The following SGTA variants were observed in gnomAD, a reference collection of about 807,000 sequenced individuals.
SGTA encodes small glutamine-rich tetratricopeptide repeat-containing protein alpha.
SGTA carries 22 observed loss-of-function variants against 44.3 expected under a neutral mutation model. The ratio of observed to expected loss-of-function variants is 0.50; its 90% CI spans 0.36 to 0.71. SGTA has a LOEUF of 0.71. Among genes scored for constraint, SGTA ranks in the 30% least tolerant of loss-of-function variants. SGTA has a pLI of 0.00. For missense variants in SGTA, 341 were observed against 435.9 expected (o/e 0.78, Z 1.94); for synonymous variants, 174 against 177.6 (o/e 0.98, Z 0.16).
At chr19:2,760,823 G>A (rs1317992278) in intron 8 of SGTA, among the ~76,000 whole-genome samples, 1 of 152,212 alleles carries the variant, frequency 6.6e-6, no homozygotes, top group Non-Finnish European at 1.5e-5. Context: ...GAGACTGAGG[G>A]CTTTTCTCCC....
intron 8 of SGTA, 57 bp from the exon 9 acceptor site, chr19:2,759,351 T>C (rs1041559327): frequency 2.6e-5 from 40 of 1,519,148 alleles, no homozygotes; most frequent in Non-Finnish European, 3.7e-5. Flanking sequence ...TCATTCTCTT[T>C]CATCAGACAC....
intron 9 of SGTA, among the ~76,000 whole-genome samples, chr19:2,758,670 A>G (rs766219443): frequency 2.0e-5 from 3 of 152,262 alleles, no homozygotes; most frequent in Non-Finnish European, 4.4e-5. Context: ...GGATTCACAC[A>G]GACGATTGCA....
At chr19:2,774,061 G>A (rs1378361398) in intron 1 of SGTA, among the ~76,000 whole-genome samples, 2 of 152,166 alleles carry the variant, frequency 1.3e-5, no homozygotes, top group African/African-American at 4.8e-5. Flanking sequence ...AACGAGCCCC[G>A]ACAGAACCTT....
Position 2,760,932 on chromosome 19 carries a change from G to A in SGTA, c.699+528C>T, listed in dbSNP as rs1020055777. Among the ~76,000 whole-genome samples the A allele has an allele frequency of 2.0e-5, 3 of 152,314 alleles. No homozygotes were observed. The South Asian group carries it at 6.2e-4, about 32-fold the overall frequency. On this transcript the variant is annotated intron_variant, in intron 8 of 11. Coordinates refer to ENST00000221566, the MANE Select transcript of SGTA (RefSeq NM_003021.4). ...CCCAGGAAATGAACATGTGTGTGTGGGGGATGGCTCTCCGAGGATCCCAGT... is the reference window on the plus strand; with the variant it reads ...CCCAGGAAATGAACATGTGTGTGTGAGGGATGGCTCTCCGAGGATCCCAGT...
At chr19:2,757,916 A>G (rs1914875004) in intron 9 of SGTA, 134 bp from the exon 10 acceptor site, 3 of 576,306 alleles carry the variant, frequency 5.2e-6, no homozygotes, top group Non-Finnish European at 8.6e-6. Context: ...CTCTCTCACC[A>G]CCTGGTGGGC....
At chr19:2,760,332 C>T (rs188932032) in intron 8 of SGTA, among the ~76,000 whole-genome samples, 143 of 151,984 alleles carry the variant, frequency 9.4e-4, no homozygotes, top group Non-Finnish European at 1.8e-3. Context: ...GCCTGGCAAA[C>T]ATGGTGAAAC....
chr19:2,768,960 C>T lies in SGTA; in HGVS notation c.100+9G>A. 2 of 1,603,506 alleles carry T rather than the reference C, an allele frequency of 1.2e-6. No homozygotes were observed. The highest frequency in any genetic ancestry group is 2.2e-5 in the South Asian group (2 of 90,928). On this transcript the variant is annotated intron_variant, in intron 2 of 11. Transcript: ENST00000221566. ...CGGGGAGAGGGGGAAGTGGCAGGCA[C>T]CCACCTACCTTCCAAGCTCTCCTGA...
At chr19:2,757,554 A>G in intron 10 of SGTA, 97 bp from the exon 11 acceptor site, 1 of 1,519,764 alleles carries the variant, frequency 6.6e-7, no homozygotes, top group Non-Finnish European at 8.8e-7. Flanking sequence ...CACCCCAAAG[A>G]CAGGCCTGAC....
chr19:2,779,576 A>G (rs1055949103), intron 1 of SGTA, among the ~76,000 whole-genome samples: 1 of 152,220 alleles, frequency 6.6e-6, no homozygotes, highest in African/African-American at 2.4e-5. Context: ...GTCTCCCAAC[A>G]GCGAGGGCTT....
chr19:2,760,542 C>CA (rs1363728584), intron 8 of SGTA, among the ~76,000 whole-genome samples: 4 of 142,728 alleles, frequency 2.8e-5, no homozygotes, highest in Admixed American at 1.4e-4. Flanking sequence ...AAAAAAAAAC[C>CA]AAAAAAAACT....
Position 2,765,154 on chromosome 19 carries a change from G to A in SGTA, c.392+32C>T, listed in dbSNP as rs769286870. On this transcript the variant is annotated intron_variant, in intron 5 of 11. Coordinates refer to ENST00000221566, the MANE Select transcript of SGTA (RefSeq NM_003021.4). The surrounding 1 kb of genome is among the most constrained non-coding windows in gnomAD (Gnocchi z 5.5). The stretch of plus-strand genomic sequence containing the variant: ...CCGGAGGACGCCCCCGCACCCGGCC[G>A]CCCCTGCCCTGGGCAGGCCCTGAGC... 2.4e-5 allele frequency: 37 copies of A among 1,552,518 alleles called. No individual in the cohort carries two copies. The highest frequency in any genetic ancestry group is 1.7e-4 in the Middle Eastern group (1 of 5,968).
chr19:2,758,865 TGA>T (rs1487950716), intron 9 of SGTA, among the ~76,000 whole-genome samples: 4 of 152,184 alleles, frequency 2.6e-5, no homozygotes, highest in African/African-American at 9.7e-5. Flanking sequence ...TCACGCTCAG[TGA>T]GAGACGCCAG....
chr19:2,774,432 G>A (rs1341889465), intron 1 of SGTA, among the ~76,000 whole-genome samples: 4 of 152,182 alleles, frequency 2.6e-5, no homozygotes, highest in African/African-American at 9.6e-5. Context: ...AGCTGCCCGA[G>A]GGGCAGCTTC....
At chr19:2,769,951 T>A (rs180988573) in intron 1 of SGTA, among the ~76,000 whole-genome samples, 1,109 of 14,320 alleles carry the variant, frequency 0.077, 58 homozygotes, top group African/African-American at 0.23. Context: ...GGTTCCCCCC[T>A]CGGACACCCG....
chr19:2,772,787 AG>A (rs1915344566), intron 1 of SGTA, among the ~76,000 whole-genome samples: 1 of 145,754 alleles, frequency 6.9e-6, no homozygotes, highest in African/African-American at 2.8e-5. Flanking sequence ...GCCACACGGC[AG>A]GGACACCGAG....
At position 2,763,771 on chromosome 19, in the gene SGTA, G is replaced by A. The variant is rs770937649; in HGVS notation, c.393-14C>T. On this transcript the variant is annotated splice_polypyrimidine_tract_variant and intron_variant, in intron 5 of 11. Coordinates refer to ENST00000221566, the MANE Select transcript of SGTA (RefSeq NM_003021.4). The surrounding 1 kb of genome is among the most constrained non-coding windows in gnomAD (Gnocchi z 5.8). ...TAGGCTGCGGCTCTGGGGAAGAAAA[G>A]GCAGGGCAGGTCCCTCACTGGCGGC... 3.7e-6 allele frequency: 6 copies of A among 1,609,560 alleles called. No homozygotes were observed. Among genetic ancestry groups the A allele is most frequent in the Middle Eastern group, 1.7e-4 (1 of 5,844 alleles).
intron 1 of SGTA, among the ~76,000 whole-genome samples, chr19:2,772,587 A>T (rs1482008002): frequency 3.9e-5 from 6 of 152,272 alleles, no homozygotes; most frequent in African/African-American, 1.4e-4. Flanking sequence ...CCTAACTGCC[A>T]GGACCTTGGA....
At chr19:2,757,535 C>G (rs1035363349) in intron 10 of SGTA, 78 bp from the exon 11 acceptor site, 1 of 1,549,352 alleles carries the variant, frequency 6.5e-7, no homozygotes, top group East Asian at 2.4e-5. Flanking sequence ...GCTGACCCCT[C>G]GGGCCCTCCA....
chr19:2,766,244 A>T (rs1488369169), intron 4 of SGTA, among the ~76,000 whole-genome samples: 2 of 151,760 alleles, frequency 1.3e-5, no homozygotes, highest in African/African-American at 4.8e-5. Flanking sequence ...ATGGGATCAC[A>T]TGCTGTGCGT....
Sources: gnomAD v4.1 joint callset for allele counts (sites outside exome capture counted in the v4.1 genomes callset) on GRCh38, gnomAD v4.1.1 for gene constraint, Gnocchi (gnomAD v3.1) non-coding constraint, MANE v1.5 for transcripts, NCBI Gene and HGNC (gene_info 2026-07-23, HGNC 2026-07-21) for gene names.